FEM1C: variants seen among roughly 807,000 people sequenced by gnomAD.
FEM1C encodes the protein fem-1 homolog C, also known as protein fem-1 homolog C.
Under a neutral mutation model 37.6 loss-of-function variants are expected in FEM1C, and 15 were observed. The observed-to-expected ratio is 0.40, with a 90% CI of 0.27 to 0.61. The LOEUF is 0.61. Ranked by LOEUF, FEM1C falls within the 20% of genes least tolerant of loss-of-function variation. The pLI, the probability that FEM1C is intolerant of heterozygous loss-of-function variation, is 0.42. For synonymous variants in FEM1C, 287 were observed against 272.8 expected, an observed-to-expected ratio of 1.05 and a Z score of -0.51; for missense variants, 532 against 749.7, an observed-to-expected ratio of 0.71 and a Z score of 3.39.
At chr5:115,536,633 T>A (rs1406561011) in intron 2 of FEM1C, among the ~76,000 whole-genome samples, 2 of 151,862 alleles carry the variant, frequency 1.3e-5, no homozygotes, top group African/African-American at 2.4e-5. Flanking sequence ...GCTTAGAATG[T>A]TTCCCTTCCC....
At chr5:115,530,293 G>T (rs796196356) in intron 2 of FEM1C, among the ~76,000 whole-genome samples, 14 of 151,858 alleles carry the variant, frequency 9.2e-5, no homozygotes, top group African/African-American at 2.9e-4. Flanking sequence ...CATAATTAGT[G>T]AAAAAAGGAA....
At position 115,523,498 on chromosome 5, in the gene FEM1C, G is replaced by T. The variant is rs918905054; in HGVS notation, c.*810C>A. ...GATGACAGACCTAAATTTCAACTGG[G>T]TTAATGAGTTAGAATAGATCTGTTT... is the stretch of plus-strand genomic sequence containing the variant. On this transcript the variant is annotated 3_prime_UTR_variant, in exon 3 of 3. Transcript: ENST00000274457. 3.3e-5 allele frequency: 5 copies of T among 152,368 alleles called. No individual in the cohort carries two copies. Among genetic ancestry groups the T allele is most frequent in the African/African-American group, 1.2e-4 (5 of 41,394 alleles). The allele number at this position is 152,368 out of a possible 1,614,324, so 9.4% of individuals were successfully genotyped here. A position where few individuals can be genotyped will look rare whatever the true frequency, so the allele number is the denominator to read the frequency against.
At chr5:115,535,897 G>T (rs1343789076) in intron 2 of FEM1C, among the ~76,000 whole-genome samples, 1 of 151,906 alleles carries the variant, frequency 6.6e-6, no homozygotes, top group East Asian at 1.9e-4. Flanking sequence ...AAAAAGAAAA[G>T]CACTCATACA....
In FEM1C at chr5:115,521,596, T is replaced by C. The variant is rs1186048480; in HGVS notation, c.*2712A>G. The C allele has an allele frequency of 2.0e-5, 3 of 151,700 alleles. No homozygotes were observed. The highest frequency in any genetic ancestry group is 3.0e-5 in the Non-Finnish European group (2 of 67,746). 9.4% of individuals were successfully genotyped at this position (151,700 alleles called of 1,614,324 possible). Reference sequence around the variant, plus strand: ...ATCAAAACAGTGGAACATCTAAAATTCAGGAGGCCCCAAAAGGGCATTTTC... The same window carrying C: ...ATCAAAACAGTGGAACATCTAAAATCCAGGAGGCCCCAAAAGGGCATTTTC... On this transcript the variant is annotated 3_prime_UTR_variant, in exon 3 of 3. Transcript: ENST00000274457.
rs1160973055 is a variant in FEM1C at position 115,543,257 on chromosome 5, T to C, written c.237A>G (p.Glu79=). 1 of 1,614,198 alleles carries C rather than the reference T, an allele frequency of 6.2e-7. No individual in the cohort carries two copies. The highest frequency in any genetic ancestry group is 1.7e-5 in the Admixed American group (1 of 60,020). The change falls in exon 2 of 3, where the codon GAA becomes GAG. Residue 79 remains glutamate (E), a synonymous_variant. Transcript: ENST00000274457. ...EVGGSVNFDG[E]TIEGAPPLWA... ...ATAAAGGGGGAGCCCCCTCAATGGT[T>C]TCGCCATCAAAATTGACGGAGCCCC...
intron 2 of FEM1C, 74 bp downstream of exon 2, chr5:115,542,876 G>C: frequency 6.5e-7 from 1 of 1,533,728 alleles, no homozygotes; most frequent in Non-Finnish European, 8.8e-7. Context: ...CTCAACACCA[G>C]TGCTTATAAT....
chr5:115,533,790 A>C (rs1580381984), intron 2 of FEM1C, among the ~76,000 whole-genome samples: 1 of 152,124 alleles, frequency 6.6e-6, no homozygotes, highest in East Asian at 1.9e-4. Flanking sequence ...AGATGAAATT[A>C]AGGATATGCA....
intron 2 of FEM1C, among the ~76,000 whole-genome samples, chr5:115,540,379 T>C (rs1203151691): frequency 1.3e-5 from 2 of 152,088 alleles, no homozygotes; most frequent in Non-Finnish European, 2.9e-5. Context: ...ACAATATCTA[T>C]ATGCATGTGT....
At position 115,522,965 on chromosome 5, in the gene FEM1C, GAGAA is replaced by G. The variant is rs2127167876; in HGVS notation, c.*1339_*1342del. On this transcript the variant is annotated 3_prime_UTR_variant, in exon 3 of 3. Transcript: ENST00000274457. ...AGTGAGAGAGAGAGAGAGAGAGAAA[GAGAA>G]AGAGAAAGAAAGAGTGAGAGAAAGA... is the stretch of plus-strand genomic sequence containing the variant. 6.6e-6 allele frequency: 1 copy of G among 152,188 alleles called. No individual in the cohort carries two copies. The highest frequency in any genetic ancestry group is 2.1e-4 in the South Asian group (1 of 4,802). 9.4% of individuals were successfully genotyped at this position (152,188 alleles called of 1,614,324 possible).
rs778680402 is a variant in FEM1C, at chr5:115,543,005, C to A, written c.489G>T (p.Glu163Asp). Reference sequence around the variant, plus strand: ...CCTTTTCAAGTAAATACTGAGCAATCTCTTTATGTCCTTTGTAACATGAAA... The same window carrying A: ...CCTTTTCAAGTAAATACTGAGCAATATCTTTATGTCCTTTGTAACATGAAA... ...LMISCYKGHK[E>D]IAQYLLEKGA... The change falls in exon 2 of 3, where the codon GAG becomes GAT. Residue 163 changes from glutamate to aspartate, a missense_variant. By Grantham distance (45) the Glu-to-Asp change is conservative. Around this residue, in one of 3 missense-constraint regions of FEM1C, gnomAD observed 221 missense variants for 404.1 expected, o/e 0.55. Transcript: ENST00000274457. 5.1e-5 allele frequency: 82 copies of A among 1,614,108 alleles called. No homozygotes were observed. The highest frequency in any genetic ancestry group is 6.7e-5 in the Non-Finnish European group (79 of 1,180,036).
At chr5:115,537,981 G>A (rs73780316) in intron 2 of FEM1C, among the ~76,000 whole-genome samples, 4,995 of 152,056 alleles carry the variant, frequency 0.033, 303 homozygotes, top group African/African-American at 0.11. Context: ...AATTAAATAA[G>A]ATTTTTCTTT....
rs1339758199 is a variant in FEM1C, at chr5:115,521,500, G to A, written c.*2808C>T. On this transcript the variant is annotated 3_prime_UTR_variant, in exon 3 of 3. Transcript: ENST00000274457. ...GAATAAGAAAAATGACTATTTTTAA[G>A]TCTATAATCCATTTGTCTTTATAAA... The A allele has an allele frequency of 2.0e-5, 3 of 151,768 alleles. No individual in the cohort carries two copies. Among genetic ancestry groups the A allele is most frequent in the Admixed American group, 6.6e-5 (1 of 15,202 alleles). 9.4% of individuals were successfully genotyped at this position (151,768 alleles called of 1,614,324 possible).
At chr5:115,535,353 C>T (rs1486394451) in intron 2 of FEM1C, among the ~76,000 whole-genome samples, 1 of 145,356 alleles carries the variant, frequency 6.9e-6, no homozygotes, top group Non-Finnish European at 1.5e-5. Context: ...AAAAGACATA[C>T]ATAAGAATAT....
chr5:115,526,187 T>C (rs1373418237), intron 2 of FEM1C, among the ~76,000 whole-genome samples: 1 of 152,114 alleles, frequency 6.6e-6, no homozygotes, highest in African/African-American at 2.4e-5. Context: ...TATCTAAGAT[T>C]CTTCATTTTG....
intron 2 of FEM1C, among the ~76,000 whole-genome samples, chr5:115,534,923 T>C (rs1341148023): frequency 1.3e-5 from 2 of 151,896 alleles, no homozygotes; most frequent in Non-Finnish European, 2.9e-5. Context: ...ATATAGATAC[T>C]TGCCACATAG....
chr5:115,539,418 T>G (rs1754194845), intron 2 of FEM1C, among the ~76,000 whole-genome samples: 2 of 152,068 alleles, frequency 1.3e-5, no homozygotes, highest in Admixed American at 1.3e-4. Flanking sequence ...GTGATAGCTC[T>G]GAGAAGGACT....
At chr5:115,540,226 C>G (rs1480432285) in intron 2 of FEM1C, among the ~76,000 whole-genome samples, 1 of 151,980 alleles carries the variant, frequency 6.6e-6, no homozygotes, top group Non-Finnish European at 1.5e-5. Flanking sequence ...AAATCCAGAA[C>G]CAATGAGAGA....
chr5:115,532,952 TG>T (rs1305082258), intron 2 of FEM1C, among the ~76,000 whole-genome samples: 7 of 152,182 alleles, frequency 4.6e-5, no homozygotes, highest in African/African-American at 1.7e-4. Context: ...AGGACATTTT[TG>T]TTCTTACCTT....
chr5:115,543,173 T>C lies in FEM1C; in HGVS notation c.321A>G (p.Ala107=). Residue 107 remains alanine, a synonymous_variant, in exon 2 of 3, where the codon GCA becomes GCG. Transcript: ENST00000274457. The stretch of plus-strand genomic sequence containing the variant: ...TGGTTAAAGTCGTGTTGTTGACAGA[T>C]GCTCCATGATTTAACAAGGACTGGA... ...KVVQSLLNHG[A]SVNNTTLTNS... 6.2e-7 allele frequency: 1 copy of C among 1,614,234 alleles called. No individual in the cohort carries two copies. Among genetic ancestry groups the C allele is most frequent in the South Asian group, 1.1e-5 (1 of 91,086 alleles).
Sources: allele counts gnomAD v4.1 joint callset (sites outside exome capture counted in the v4.1 genomes callset), GRCh38; gene constraint gnomAD v4.1.1; regional missense constraint gnomAD v4.1.1; transcripts MANE v1.5; gene names NCBI Gene and HGNC (gene_info 2026-07-23, HGNC 2026-07-21).